The following PIN4 variants were observed in gnomAD, a reference collection of about 807,000 sequenced individuals.
PIN4 encodes peptidyl-prolyl cis-trans isomerase NIMA-interacting 4.
PIN4 carries 3 observed loss-of-function variants against 8.3 expected under a neutral mutation model. That is an observed-to-expected ratio of 0.36 (90% CI 0.16 to 0.93). PIN4 has a LOEUF of 0.93. PIN4 is among the 40% of genes least tolerant of loss of function. The pLI is 0.44. For missense variants in PIN4, 75 were observed against 100.6 expected (o/e 0.75, Z 1.09); for synonymous variants, 18 against 32.5 (o/e 0.55, Z 1.52).
chrX:72,263,497 C>A (rs1569493751), exon 4 of PIN4: 1 of 111,898 alleles, frequency 8.9e-6, no homozygotes, highest in Non-Finnish European at 1.9e-5. Flanking sequence ...TGGTGGTAAA[C>A]AGAGACTTGG....
chrX:72,240,190 A>G (rs776352965), intron 3 of PIN4, among the ~76,000 whole-genome samples: 11 of 112,243 alleles, frequency 9.8e-5, no homozygotes, highest in African/African-American at 3.6e-4. Flanking sequence ...AAAAAAAAGA[A>G]GTAGTGCTGT....
In PIN4 at chrX:72,239,011, A is replaced by G. The variant is rs752609695; in HGVS notation, c.313-23696A>G. The G allele has an allele frequency of 3.6e-6, 3 of 829,151 alleles. No homozygotes were observed. The South Asian group carries it at 7.2e-5, about 20-fold the overall frequency. 68.3% of individuals were successfully genotyped at this position (829,151 alleles called of 1,213,427 possible). On this transcript the variant is annotated intron_variant, in intron 3 of 3. Coordinates refer to the PIN4 transcript ENST00000423432. ...AGAGTTTGGAGCTTGAATTTCGCTCACTCCCGCCCCGCGCATGCTCTGTGC... is the reference window on the plus strand; with the variant it reads ...AGAGTTTGGAGCTTGAATTTCGCTCGCTCCCGCCCCGCGCATGCTCTGTGC...
rs1028513985 is a variant in PIN4 at position 72,238,998 on chromosome X, T to C, written c.313-23709T>C. 8.4e-6 allele frequency: 8 copies of C among 949,873 alleles called. No homozygotes were observed. The Admixed American group carries it at 1.0e-4, about 12-fold the overall frequency. 78.3% of individuals were successfully genotyped at this position (949,873 alleles called of 1,213,427 possible). ...GAGCTTGGAGCTTAGAGTTTGGAGC[T>C]TGAATTTCGCTCACTCCCGCCCCGC... On this transcript the variant is annotated intron_variant, in intron 3 of 3. Coordinates refer to the PIN4 transcript ENST00000423432.
chrX:72,195,828 C>T (rs927297421), intron 2 of PIN4, among the ~76,000 whole-genome samples: 2 of 110,964 alleles, frequency 1.8e-5, no homozygotes, highest in Non-Finnish European at 3.8e-5. Context: ...TAAAAACATG[C>T]GTAAGTTCAG....
chrX:72,239,771 C>CAAA (rs1170667492), intron 3 of PIN4, among the ~76,000 whole-genome samples: 8 of 13,856 alleles, frequency 5.8e-4, no homozygotes, highest in East Asian at 2.2e-3. Context: ...GACTCCATCT[C>CAAA]AAAAAAAAAA....
At chrX:72,250,546 T>C (rs1253414584) in intron 3 of PIN4, among the ~76,000 whole-genome samples, 1 of 110,891 alleles carries the variant, frequency 9.0e-6, no homozygotes, top group Non-Finnish European at 1.9e-5. Flanking sequence ...CCCAATCTTT[T>C]GCTGTTAAAA....
intron 3 of PIN4, among the ~76,000 whole-genome samples, chrX:72,221,262 C>T (rs964933561): frequency 1.8e-5 from 2 of 111,985 alleles, no homozygotes; most frequent in Non-Finnish European, 3.8e-5. Flanking sequence ...ACATTGGACA[C>T]TAATCCAGCC....
At chrX:72,226,283 A>G (rs2042953394) in intron 3 of PIN4, among the ~76,000 whole-genome samples, 1 of 111,770 alleles carries the variant, frequency 8.9e-6, no homozygotes, top group African/African-American at 3.3e-5. Context: ...ATGGCAGTGC[A>G]TCAGAAAACC....
At chrX:72,262,141 G>A (rs1435693841) in intron 3 of PIN4, among the ~76,000 whole-genome samples, 1 of 111,996 alleles carries the variant, frequency 8.9e-6, no homozygotes, top group African/African-American at 3.2e-5. Context: ...CAACATATTT[G>A]TGATTATTTA....
chrX:72,194,579 G>A (rs1177388407), intron 2 of PIN4, among the ~76,000 whole-genome samples: 1 of 108,190 alleles, frequency 9.2e-6, no homozygotes. Flanking sequence ...GTGCATGCCT[G>A]TAATCCCAGC....
intron 3 of PIN4, chrX:72,207,422 G>C (rs750805759): frequency 1.7e-6 from 2 of 1,211,018 alleles, no homozygotes; most frequent in Non-Finnish European, 2.2e-6. Context: ...TCAGTTACTT[G>C]ATCAATATGG....
chrX:72,231,793 C>G (rs1405083404), intron 3 of PIN4, among the ~76,000 whole-genome samples: 1 of 111,720 alleles, frequency 9.0e-6, no homozygotes, highest in African/African-American at 3.3e-5. Flanking sequence ...AATTTTTTCA[C>G]CACAAAGAAA....
At chrX:72,241,521 T>C (rs1045142578) in intron 3 of PIN4, among the ~76,000 whole-genome samples, 3 of 112,531 alleles carry the variant, frequency 2.7e-5, no homozygotes, top group African/African-American at 9.7e-5. Context: ...ATTTCTATTG[T>C]TTATAAATTA....
At chrX:72,207,402 C>T in intron 3 of PIN4, 1 of 1,211,300 alleles carries the variant, frequency 8.3e-7, no homozygotes, top group Non-Finnish European at 1.1e-6. Context: ...ATTCTTCCAT[C>T]AATGTGTCAT....
At chrX:72,204,657 G>T (rs2042805139) in intron 3 of PIN4, 1 of 122,419 alleles carries the variant, frequency 8.2e-6, no homozygotes, top group Admixed American at 8.8e-5. Flanking sequence ...AAAGTGGATG[G>T]AAAACACTTG....
intron 3 of PIN4, among the ~76,000 whole-genome samples, chrX:72,241,634 C>T (rs970755099): frequency 8.0e-5 from 9 of 111,861 alleles, no homozygotes; most frequent in East Asian, 2.8e-4. Flanking sequence ...ACCAGCCTGA[C>T]GGAGAAACCC....
At chrX:72,251,145 CAGGAGATCG>C (rs1382034840) in intron 3 of PIN4, among the ~76,000 whole-genome samples, 1 of 103,817 alleles carries the variant, frequency 9.6e-6, no homozygotes, top group Admixed American at 1.0e-4. Flanking sequence ...ATCACAAGGT[CAGGAGATCG>C]AGACCATCCT....
At chrX:72,189,689 A>G (rs1162521147) in intron 2 of PIN4, among the ~76,000 whole-genome samples, 1 of 111,919 alleles carries the variant, frequency 8.9e-6, no homozygotes, top group Non-Finnish European at 1.9e-5. Flanking sequence ...GAATTTTCAG[A>G]TTAGGGATGC....
chrX:72,209,000 T>C (rs1212613468), intron 3 of PIN4, among the ~76,000 whole-genome samples: 2 of 111,955 alleles, frequency 1.8e-5, no homozygotes, highest in Non-Finnish European at 3.8e-5. Flanking sequence ...GAAGTGATAT[T>C]TTTTGTAAAA....
Sources: allele counts gnomAD v4.1 joint callset (sites outside exome capture counted in the v4.1 genomes callset), GRCh38; gene constraint gnomAD v4.1.1; transcripts MANE v1.5; gene names NCBI Gene and HGNC (gene_info 2026-07-23, HGNC 2026-07-21).